The following ATM variants were observed in gnomAD, a reference collection of about 807,000 sequenced individuals.
The protein encoded by ATM is serine-protein kinase ATM.
ATM carries 308 observed loss-of-function variants against 387.0 expected under a neutral mutation model. That is an observed-to-expected ratio of 0.80 (90% CI 0.73 to 0.87). The LOEUF is 0.87. ATM is among the 40% of genes least tolerant of loss of function. The probability of loss-of-function intolerance (pLI) is 0.00; values close to 1 mark genes in which losing one functional copy is unlikely to be tolerated. For missense variants in ATM, 3,312 were observed against 3,560.9 expected (o/e 0.93, Z 1.78); for synonymous variants, 1,156 against 1,187.3 (o/e 0.97, Z 0.54).
intron 6 of ATM, 51 bp downstream of exon 6, chr11:108,244,169 G>T (rs569658773): frequency 6.3e-7 from 1 of 1,597,834 alleles, no homozygotes; most frequent in Non-Finnish European, 8.6e-7. Context: ...TTTTGATCTT[G>T]CAAGACCATG....
At chr11:108,287,859 T>C in intron 27 of ATM, 144 bp downstream of exon 27, 1 of 629,830 alleles carries the variant, frequency 1.6e-6, no homozygotes. Context: ...CACCTTTGAA[T>C]TGAGGTAATT....
intron 45 of ATM, among the ~76,000 whole-genome samples, chr11:108,324,478 C>A (rs1183231702): frequency 6.6e-6 from 1 of 152,130 alleles, no homozygotes; most frequent in East Asian, 1.9e-4. Flanking sequence ...GTCCAACGAT[C>A]GAAAGTTCTT....
At chr11:108,341,500 C>T (rs1327415694) in intron 56 of ATM, among the ~76,000 whole-genome samples, 1 of 152,078 alleles carries the variant, frequency 6.6e-6, no homozygotes, top group Non-Finnish European at 1.5e-5. Context: ...TGCCCTAGCC[C>T]TGTGTGTAAC....
chr11:108,344,309 G>A (rs1157761832), intron 57 of ATM, among the ~76,000 whole-genome samples: 1 of 152,120 alleles, frequency 6.6e-6, no homozygotes, highest in Non-Finnish European at 1.5e-5. Flanking sequence ...TGTGTGAGCC[G>A]AGTTTTGTAA....
intron 50 of ATM, among the ~76,000 whole-genome samples, chr11:108,330,726 G>T: frequency 6.6e-6 from 1 of 152,162 alleles, no homozygotes; most frequent in African/African-American, 2.4e-5. Context: ...ATAGGAGAGG[G>T]TCTAGAATGG....
chr11:108,249,527 C>A (rs1321830510), intron 9 of ATM, among the ~76,000 whole-genome samples: 1 of 152,180 alleles, frequency 6.6e-6, no homozygotes, highest in African/African-American at 2.4e-5. Flanking sequence ...AAGTTATTTT[C>A]TCTTATTTTC....
At chr11:108,240,442 A>G (rs1357006719) in intron 5 of ATM, among the ~76,000 whole-genome samples, 1 of 152,164 alleles carries the variant, frequency 6.6e-6, no homozygotes, top group Non-Finnish European at 1.5e-5. Flanking sequence ...TGAGAAATAC[A>G]TCATTAGGCA....
intron 45 of ATM, among the ~76,000 whole-genome samples, chr11:108,322,045 ATT>A (rs2085272200): frequency 6.6e-6 from 1 of 152,172 alleles, no homozygotes; most frequent in Admixed American, 6.5e-5. Flanking sequence ...ACTACATTGT[ATT>A]ACTGTCATTT....
intron 4 of ATM, 30 bp from the exon 5 acceptor site, chr11:108,235,640 G>T (rs1351409040): frequency 1.9e-6 from 3 of 1,558,152 alleles, no homozygotes; most frequent in African/African-American, 2.7e-5. Flanking sequence ...TCAAATTTAT[G>T]TTTTTCTTTA....
intron 29 of ATM, chr11:108,290,106 G>A: frequency 3.8e-6 from 1 of 261,012 alleles, no homozygotes; most frequent in Non-Finnish European, 7.5e-6. Flanking sequence ...CGAACTGTCA[G>A]CCTCAGCCTC....
chr11:108,257,551 G>T lies in ATM; in HGVS notation c.2321G>T (p.Gly774Val), dbSNP rs1555075727. 4.3e-6 allele frequency: 7 copies of T among 1,614,032 alleles called. No individual in the cohort carries two copies. Among genetic ancestry groups the T allele is most frequent in the Non-Finnish European group, 4.2e-6 (5 of 1,180,024 alleles). Residue 774 changes from glycine (G) to valine (V), a missense_variant, in exon 15 of 63, where the codon GGT becomes GTT. Coordinates refer to ENST00000675843, the MANE Select transcript of ATM (RefSeq NM_000051.4). ...AAGACAAATGAGGAATTCAGAATTG[G>T]TTCCTTGAGAAATATGATGCAGCTA... ...KNKTNEEFRIGSLRNMMQLCT... is the reference protein window; with the variant it reads ...KNKTNEEFRIVSLRNMMQLCT...
Position 108,366,029 on chromosome 11 carries a change from C to CAAA in ATM, c.*538_*540dup, listed in dbSNP as rs369583811. 4.1e-4 allele frequency: 41 copies of CAAA among 100,444 alleles called. No homozygotes were observed. The East Asian group carries it at 4.5e-3, about 11-fold the overall frequency. 6.2% of individuals were successfully genotyped at this position (100,444 alleles called of 1,614,324 possible). ...GGGTGACAAGAGCGAAACTCCATCT[C>CAAA]AAAAAAAAAAAAAAAAAAACAGAAA... On this transcript the variant is annotated 3_prime_UTR_variant, in exon 63 of 63. Coordinates refer to ENST00000675843, the MANE Select transcript of ATM (RefSeq NM_000051.4).
chr11:108,337,089 A>C (rs2086936619), intron 56 of ATM, among the ~76,000 whole-genome samples: 1 of 152,168 alleles, frequency 6.6e-6, no homozygotes, highest in African/African-American at 2.4e-5. Flanking sequence ...AGGGGAGTGA[A>C]GAAGAATAAA....
chr11:108,320,015 G>A lies in ATM; in HGVS notation c.6409G>A (p.Asp2137Asn), dbSNP rs1389038955. ...SLYNALQSLRDREFSTFYESL... is the reference protein window; with the variant it reads ...SLYNALQSLRNREFSTFYESL... Reference sequence around the variant, plus strand: ...GTACAATGCTCTACAATCTCTAAGAGACAGAGAATTCTCTACATTTTATGA... The same window carrying A: ...GTACAATGCTCTACAATCTCTAAGAAACAGAGAATTCTCTACATTTTATGA... The change falls in exon 44 of 63, where the codon GAC becomes AAC. Residue 2137 changes from aspartate to asparagine, a missense_variant. Asp to Asn is a conservative substitution (Grantham distance 23). Coordinates refer to ENST00000675843, the MANE Select transcript of ATM (RefSeq NM_000051.4). 6.2e-7 allele frequency: 1 copy of A among 1,611,782 alleles called. No homozygotes were observed. Among genetic ancestry groups the A allele is most frequent in the Non-Finnish European group, 8.5e-7 (1 of 1,178,042 alleles).
intron 50 of ATM, 161 bp from the exon 51 acceptor site, chr11:108,331,283 T>A: frequency 7.2e-7 from 1 of 1,384,338 alleles, no homozygotes; most frequent in Non-Finnish European, 9.3e-7. Context: ...AGAAAGACCT[T>A]CAGATAAGAA....
intron 22 of ATM, among the ~76,000 whole-genome samples, chr11:108,276,937 C>A (rs1021246716): frequency 6.6e-6 from 1 of 152,168 alleles, no homozygotes; most frequent in Non-Finnish European, 1.5e-5. Context: ...CAGGCAGGAA[C>A]GTTTAAGTCC....
intron 5 of ATM, among the ~76,000 whole-genome samples, chr11:108,242,776 C>G (rs571893233): frequency 6.6e-6 from 1 of 152,100 alleles, no homozygotes; most frequent in Non-Finnish European, 1.5e-5. Context: ...TTCACCTTGC[C>G]TTTGGTACTG....
chr11:108,297,012 T>G, intron 32 of ATM: 1 of 390,158 alleles, frequency 2.6e-6, no homozygotes, highest in East Asian at 5.6e-5. Context: ...GTGCTTCTGT[T>G]TGTGATTTTG....
chr11:108,357,882 G>C (rs1591337334), intron 61 of ATM, among the ~76,000 whole-genome samples: 1 of 151,378 alleles, frequency 6.6e-6, no homozygotes, highest in East Asian at 1.9e-4. Flanking sequence ...CTAAAACGCA[G>C]AGCACCTCTC....
Sources: gnomAD v4.1 joint callset for allele counts (sites outside exome capture counted in the v4.1 genomes callset) on GRCh38, gnomAD v4.1.1 for gene constraint, MANE v1.5 for transcripts, NCBI Gene and HGNC (gene_info 2026-07-23, HGNC 2026-07-21) for gene names.